FBXL20: variants seen among roughly 807,000 people sequenced by gnomAD.
FBXL20 encodes the protein F-box and leucine rich repeat protein 20.
A neutral mutation model predicts 64.0 loss-of-function variants in FBXL20; 11 were observed. The observed-to-expected ratio is 0.17, with a 90% confidence interval of 0.11 to 0.28. The LOEUF is 0.28. Among genes scored for constraint, FBXL20 ranks in the 10% least tolerant of loss-of-function variants. The pLI is 1.00. For missense variants in FBXL20, 303 were observed against 526.2 expected, an observed-to-expected ratio of 0.58 and a Z score of 4.15; for synonymous variants, 184 against 189.0, an observed-to-expected ratio of 0.97 and a Z score of 0.22.
intron 1 of FBXL20, among the ~76,000 whole-genome samples, chr17:39,377,599 C>A (rs1171363266): frequency 6.6e-6 from 1 of 151,636 alleles, no homozygotes; most frequent in Non-Finnish European, 1.5e-5. Flanking sequence ...CTCCCAGGTT[C>A]ATGCCATTCT....
intron 1 of FBXL20, among the ~76,000 whole-genome samples, chr17:39,360,417 T>C (rs1461063172): frequency 6.6e-6 from 1 of 152,214 alleles, no homozygotes. Flanking sequence ...ATAAAAATGA[T>C]TTAAAAACAA....
chr17:39,271,771 T>C lies in FBXL20; in HGVS notation c.828-915A>G, dbSNP rs1335983295. 2.0e-5 allele frequency among the ~76,000 whole-genome samples: 3 copies of C among 152,130 alleles called. 1 individual carries two copies. The highest frequency in any genetic ancestry group is 7.2e-5 in the African/African-American group (3 of 41,434). On this transcript the variant is annotated intron_variant, in intron 10 of 14. Coordinates refer to ENST00000264658, the MANE Select transcript of FBXL20 (RefSeq NM_032875.3). Reference sequence around the variant, plus strand: ...AGCCATTCACCTCTTATTAAGCAACTGTTAAACTCCAATCTAAATACCAAC... The same window carrying C: ...AGCCATTCACCTCTTATTAAGCAACCGTTAAACTCCAATCTAAATACCAAC...
rs1361744140 is a variant in FBXL20 at position 39,259,800 on chromosome 17, A to G, written c.*1660T>C. ...GGAGTTCAAGACCAGGCTGGCCAAC[A>G]TGTGAAACCCCATCTCTACTAAAAA... is the stretch of plus-strand genomic sequence containing the variant. On this transcript the variant is annotated 3_prime_UTR_variant, in exon 15 of 15. Transcript: ENST00000264658. 2 of 151,890 alleles carry G rather than the reference A, an allele frequency of 1.3e-5. No homozygotes were observed. Among genetic ancestry groups the G allele is most frequent in the East Asian group, 1.9e-4 (1 of 5,174 alleles). The allele number at this position is 151,890 out of a possible 1,614,324, so 9.4% of individuals were successfully genotyped here.
chr17:39,289,857 G>A (rs886461453), intron 6 of FBXL20, among the ~76,000 whole-genome samples: 1 of 151,766 alleles, frequency 6.6e-6, no homozygotes, highest in Non-Finnish European at 1.5e-5. Context: ...AAATTAGCCA[G>A]GTTTGGTGGC....
In FBXL20 at chr17:39,313,125, G is replaced by A. The variant is rs547329632; in HGVS notation, c.105-9486C>T. On this transcript the variant is annotated intron_variant, in intron 2 of 14. Transcript: ENST00000264658. ...GTAGAGATGGGGTTTCACCATGTTCGTCAGGCTGGTTGCAAACTCCTGACC... is the reference window on the plus strand; with the variant it reads ...GTAGAGATGGGGTTTCACCATGTTCATCAGGCTGGTTGCAAACTCCTGACC... 1.1e-4 allele frequency among the ~76,000 whole-genome samples: 17 copies of A among 150,072 alleles called. No homozygotes were observed. The East Asian group carries it at 2.6e-3, about 23-fold the overall frequency.
At chr17:39,368,351 C>G (rs2047882100) in intron 1 of FBXL20, among the ~76,000 whole-genome samples, 1 of 151,978 alleles carries the variant, frequency 6.6e-6, no homozygotes. Context: ...ATGATCACAC[C>G]ACTGCACTCC....
intron 2 of FBXL20, among the ~76,000 whole-genome samples, chr17:39,318,608 C>T (rs1025837253): frequency 1.3e-5 from 2 of 151,988 alleles, no homozygotes; most frequent in Non-Finnish European, 2.9e-5. Context: ...GGCTTGGTGG[C>T]GCATGCCTGT....
At chr17:39,337,276 G>A (rs999835252) in intron 2 of FBXL20, among the ~76,000 whole-genome samples, 5 of 152,322 alleles carry the variant, frequency 3.3e-5, no homozygotes, top group East Asian at 1.9e-4. Context: ...ACGGAGTCTC[G>A]TTCACTCAGT....
chr17:39,321,881 T>A (rs995874214), intron 2 of FBXL20, among the ~76,000 whole-genome samples: 1 of 152,070 alleles, frequency 6.6e-6, no homozygotes, highest in Admixed American at 6.6e-5. Context: ...TTGAATTTAG[T>A]ACAAGGAAAT....
chr17:39,321,608 T>C (rs1174374546), intron 2 of FBXL20, among the ~76,000 whole-genome samples: 3 of 151,274 alleles, frequency 2.0e-5, no homozygotes, highest in African/African-American at 7.3e-5. Flanking sequence ...TAAAACCTCA[T>C]CTCTACTAAA....
chr17:39,334,180 G>T lies in FBXL20; in HGVS notation c.104+9000C>A, dbSNP rs535821497. ...AATCTATAACCTTACCCCCAACCCC[G>T]TGCTCTCTGAAACATGTGCTGTGTC... On this transcript the variant is annotated intron_variant, in intron 2 of 14. Coordinates refer to ENST00000264658, the MANE Select transcript of FBXL20 (RefSeq NM_032875.3). 2.0e-5 allele frequency among the ~76,000 whole-genome samples: 3 copies of T among 152,162 alleles called. No individual in the cohort carries two copies. The East Asian group carries it at 5.8e-4, about 29-fold the overall frequency.
intron 2 of FBXL20, among the ~76,000 whole-genome samples, chr17:39,311,076 A>G (rs2047232104): frequency 1.3e-5 from 2 of 151,922 alleles, no homozygotes; most frequent in Admixed American, 6.6e-5. Context: ...CCAAGGTGGG[A>G]GGATCACTTG....
At chr17:39,305,758 G>GGT (rs2047175859) in intron 2 of FBXL20, among the ~76,000 whole-genome samples, 1 of 152,048 alleles carries the variant, frequency 6.6e-6, no homozygotes, top group African/African-American at 2.4e-5. Flanking sequence ...GGCTGAGGTG[G>GGT]GTGGGTCATC....
intron 1 of FBXL20, among the ~76,000 whole-genome samples, chr17:39,353,240 T>A (rs768073190): frequency 6.6e-6 from 1 of 152,198 alleles, no homozygotes; most frequent in African/African-American, 2.4e-5. Flanking sequence ...TAGTAATACA[T>A]AGGCAGCTAA....
chr17:39,312,501 C>A (rs2047244017), intron 2 of FBXL20, among the ~76,000 whole-genome samples: 1 of 144,762 alleles, frequency 6.9e-6, no homozygotes, highest in Non-Finnish European at 1.5e-5. Context: ...CACTTAAATC[C>A]CTTCTACCAC....
At chr17:39,290,645 C>A (rs1335006537) in intron 6 of FBXL20, among the ~76,000 whole-genome samples, 1 of 151,920 alleles carries the variant, frequency 6.6e-6, no homozygotes, top group African/African-American at 2.4e-5. Flanking sequence ...GTTCACTATA[C>A]CCTCGACCTC....
intron 2 of FBXL20, among the ~76,000 whole-genome samples, chr17:39,341,905 G>A (rs1257459955): frequency 6.6e-6 from 1 of 152,134 alleles, no homozygotes; most frequent in Non-Finnish European, 1.5e-5. Context: ...AGTAGAGTGA[G>A]GTCAGAAATG....
At chr17:39,332,536 C>CTTTTTTTTTTTTTTT (rs58827473) in intron 2 of FBXL20, among the ~76,000 whole-genome samples, 1 of 96,962 alleles carries the variant, frequency 1.0e-5, no homozygotes, top group Non-Finnish European at 1.9e-5. Flanking sequence ...TTCTTTGTAT[C>CTTTTTTTTTTTTTTT]TTTTTTTTTT....
At chr17:39,276,144 G>A (rs1597768540) in intron 9 of FBXL20, among the ~76,000 whole-genome samples, 1 of 148,956 alleles carries the variant, frequency 6.7e-6, no homozygotes, top group Non-Finnish European at 1.5e-5. Flanking sequence ...CTACTTGGAC[G>A]GCTGACACAG....
Sources: gnomAD v4.1 joint callset for allele counts (sites outside exome capture counted in the v4.1 genomes callset) on GRCh38, gnomAD v4.1.1 for gene constraint, MANE v1.5 for transcripts, NCBI Gene and HGNC (gene_info 2026-07-23, HGNC 2026-07-21) for gene names.